The following SUGCT variants were observed in gnomAD, a reference collection of about 807,000 sequenced individuals.
The protein encoded by SUGCT is succinyl-CoA:glutarate-CoA transferase, also known as succinyl-CoA:glutarate CoA-transferase.
SUGCT carries 41 observed loss-of-function variants against 55.0 expected under a neutral mutation model. The observed-to-expected ratio is 0.74, with a 90% CI of 0.58 to 0.97. The LOEUF (loss-of-function observed/expected upper bound fraction) is 0.97. SUGCT is among the 50% of genes least tolerant of loss of function. The probability of loss-of-function intolerance (pLI) is 0.00; values close to 1 mark genes in which losing one functional copy is unlikely to be tolerated. For synonymous variants in SUGCT, 187 were observed against 200.4 expected, an observed-to-expected ratio of 0.93 and a Z score of 0.56; for missense variants, 568 against 547.8, an observed-to-expected ratio of 1.04 and a Z score of -0.37.
chr7:40,608,502 A>G (rs776501790), intron 12 of SUGCT, among the ~76,000 whole-genome samples: 10 of 152,158 alleles, frequency 6.6e-5, no homozygotes, highest in South Asian at 4.1e-4. Context: ...TGAACAAACC[A>G]CTGTTTTGTG....
At chr7:40,952,368 C>T in the SUGCT span, among the ~76,000 whole-genome samples, 1 of 151,652 alleles carries the variant, frequency 6.6e-6, no homozygotes, top group East Asian at 2.0e-4. Context: ...AGATGGGTTT[C>T]CTGAATACAG....
the SUGCT span, among the ~76,000 whole-genome samples, chr7:40,948,199 CTTTA>C: frequency 6.6e-6 from 1 of 152,060 alleles, no homozygotes; most frequent in Non-Finnish European, 1.5e-5. Context: ...CAGTTTAGTT[CTTTA>C]TTTGTTATAG....
chr7:40,159,092 A>G (rs1290204763), intron 1 of SUGCT, among the ~76,000 whole-genome samples: 1 of 151,184 alleles, frequency 6.6e-6, no homozygotes, highest in Non-Finnish European at 1.5e-5. Flanking sequence ...ATTTTTTTGT[A>G]TTTTTTTTAT....
At position 40,188,523 on chromosome 7, in the gene SUGCT, G is replaced by A. The variant is rs1352748455; in HGVS notation, c.255G>A (p.Gly85=). Residue 85 remains glycine (G), a synonymous_variant, in exon 4 of 14, where the codon GGG becomes GGA. Transcript: ENST00000335693. ...CTGGTGATGATACACGAACTTGGGGGCCACCTTTTGTTGGGACAGAAAGTA... is the reference window on the plus strand; with the variant it reads ...CTGGTGATGATACACGAACTTGGGGACCACCTTTTGTTGGGACAGAAAGTA... ...PGAGDDTRTW[G]PPFVGTESTY... 5.6e-6 allele frequency: 9 copies of A among 1,609,916 alleles called. No homozygotes were observed. The highest frequency in any genetic ancestry group is 1.7e-5 in the Admixed American group (1 of 59,446).
At chr7:40,957,989 C>T in the SUGCT span, among the ~76,000 whole-genome samples, 4 of 152,068 alleles carry the variant, frequency 2.6e-5, no homozygotes, top group African/African-American at 7.2e-5. Flanking sequence ...TGCATTTTGG[C>T]CCCCACTCTT....
At chr7:40,231,965 G>A (rs1788747802) in intron 6 of SUGCT, among the ~76,000 whole-genome samples, 1 of 152,114 alleles carries the variant, frequency 6.6e-6, no homozygotes, top group South Asian at 2.1e-4. Flanking sequence ...GCTGGATGTG[G>A]TGGTGCATGC....
At chr7:40,830,741 C>T (rs1383174979) in intron 13 of SUGCT, among the ~76,000 whole-genome samples, 1 of 152,184 alleles carries the variant, frequency 6.6e-6, no homozygotes, top group Non-Finnish European at 1.5e-5. Context: ...CAGCCATTCA[C>T]ACATATGTTG....
chr7:40,261,047 G>C (rs971247732), intron 7 of SUGCT, among the ~76,000 whole-genome samples: 4 of 151,990 alleles, frequency 2.6e-5, no homozygotes, highest in Non-Finnish European at 4.4e-5. Flanking sequence ...TGAAAAAGTT[G>C]TTATAATTGG....
the SUGCT span, among the ~76,000 whole-genome samples, chr7:40,899,082 C>T: frequency 1.3e-5 from 2 of 152,190 alleles, no homozygotes; most frequent in African/African-American, 2.4e-5. Context: ...CCCCAGAGCT[C>T]TGAGGGTCCC....
chr7:40,929,297 C>A, the SUGCT span, among the ~76,000 whole-genome samples: 1 of 152,108 alleles, frequency 6.6e-6, no homozygotes, highest in East Asian at 1.9e-4. Flanking sequence ...TGTATATGTG[C>A]CACATTTTCT....
chr7:40,414,396 T>TA (rs1274477147), intron 9 of SUGCT, among the ~76,000 whole-genome samples: 4 of 152,152 alleles, frequency 2.6e-5, no homozygotes, highest in African/African-American at 9.7e-5. Context: ...TCAGGTCAAA[T>TA]AAACATAGTA....
chr7:40,944,373 G>GGT, the SUGCT span, among the ~76,000 whole-genome samples: 1 of 151,234 alleles, frequency 6.6e-6, no homozygotes, highest in African/African-American at 2.4e-5. Context: ...TGTCCTGAAT[G>GGT]GTAATGCCTA....
At chr7:40,442,651 G>A (rs541146341) in intron 9 of SUGCT, among the ~76,000 whole-genome samples, 67 of 152,146 alleles carry the variant, frequency 4.4e-4, no homozygotes, top group African/African-American at 1.5e-3. Flanking sequence ...GTTGGGACTT[G>A]CAAAATGGCT....
rs117925837 is a variant in SUGCT, at chr7:40,699,072, A to G, written c.1090-50362A>G. Among the ~76,000 whole-genome samples, 202 of 152,306 alleles carry G rather than the reference A, an allele frequency of 1.3e-3. 4 individuals carry two copies. The East Asian group carries it at 0.035, about 27-fold the overall frequency. On this transcript the variant is annotated intron_variant, in intron 12 of 13. Coordinates refer to ENST00000335693, the MANE Select transcript of SUGCT (RefSeq NM_001193313.2). Reference sequence around the variant, plus strand: ...GAGTCAGGGTTGGGAACAAGAGGTTACAGGGTGGGGGAGGCACAGAATTCA... The same window carrying G: ...GAGTCAGGGTTGGGAACAAGAGGTTGCAGGGTGGGGGAGGCACAGAATTCA...
chr7:40,909,403 G>A, the SUGCT span, among the ~76,000 whole-genome samples: 47 of 152,228 alleles, frequency 3.1e-4, no homozygotes, highest in South Asian at 4.2e-4. Flanking sequence ...ATGTCACCCC[G>A]GGGTTCGCTA....
At chr7:40,842,277 A>G (rs1022291357) in intron 13 of SUGCT, among the ~76,000 whole-genome samples, 7 of 152,194 alleles carry the variant, frequency 4.6e-5, no homozygotes, top group Non-Finnish European at 7.4e-5. Flanking sequence ...GAAATAAGAA[A>G]TAAGACTTAT....
At chr7:40,285,499 G>C (rs564429832) in intron 8 of SUGCT, among the ~76,000 whole-genome samples, 2 of 148,560 alleles carry the variant, frequency 1.3e-5, no homozygotes, top group African/African-American at 5.0e-5. Flanking sequence ...TTTCGGGGGG[G>C]GGCAAGAATT....
intron 1 of SUGCT, among the ~76,000 whole-genome samples, chr7:40,136,440 C>T (rs1334820812): frequency 1.3e-5 from 2 of 152,200 alleles, no homozygotes; most frequent in African/African-American, 2.4e-5. Flanking sequence ...CCCAAGCTGA[C>T]GAGTGTGGTA....
intron 12 of SUGCT, among the ~76,000 whole-genome samples, chr7:40,577,998 A>G (rs1796860880): frequency 6.6e-6 from 1 of 152,174 alleles, no homozygotes; most frequent in Non-Finnish European, 1.5e-5. Flanking sequence ...TTATTCATTA[A>G]TTCTTCAAAC....
Sources: allele counts gnomAD v4.1 joint callset (sites outside exome capture counted in the v4.1 genomes callset), GRCh38; gene constraint gnomAD v4.1.1; transcripts MANE v1.5; gene names NCBI Gene and HGNC (gene_info 2026-07-23, HGNC 2026-07-21).